GARIN2: variants seen among roughly 807,000 people sequenced by gnomAD.
GARIN2 encodes the protein golgi associated RAB2 interactor family member 2.
chr14:67,211,398 A>G, the GARIN2 span, among the ~76,000 whole-genome samples: 4 of 152,164 alleles, frequency 2.6e-5, no homozygotes, highest in African/African-American at 4.8e-5. Flanking sequence ...TAATCTTTCC[A>G]CTATACTACC....
chr14:67,210,186 A>G, the GARIN2 span, among the ~76,000 whole-genome samples: 1 of 152,258 alleles, frequency 6.6e-6, no homozygotes, highest in Non-Finnish European at 1.5e-5. Flanking sequence ...AAAACCTGTA[A>G]GTAATCCAAA....
the GARIN2 span, among the ~76,000 whole-genome samples, chr14:67,219,916 G>T: frequency 1.3e-5 from 2 of 152,232 alleles, no homozygotes; most frequent in Admixed American, 1.3e-4. Flanking sequence ...TTGCCTATTT[G>T]CATCAGGAAC....
chr14:67,225,962 T>TGTGCGCGCGC, the GARIN2 span, among the ~76,000 whole-genome samples: 260 of 113,474 alleles, frequency 2.3e-3, 2 homozygotes, highest in African/African-American at 0.013. Flanking sequence ...TGTGTGTGTG[T>TGTGCGCGCGC]GCGCGCGCGC....
At chr14:67,204,497 A>T in the GARIN2 span, 1 of 1,573,002 alleles carries the variant, frequency 6.4e-7, no homozygotes, top group Non-Finnish European at 8.6e-7. Flanking sequence ...TAAGCCTCCC[A>T]TCAGGTCTCC....
the GARIN2 span, among the ~76,000 whole-genome samples, chr14:67,192,789 T>A: frequency 6.8e-6 from 1 of 148,064 alleles, no homozygotes; most frequent in African/African-American, 2.5e-5. Context: ...TATATATGTA[T>A]GTGTGTGTAT....
chr14:67,201,742 G>C, the GARIN2 span: 1 of 337,578 alleles, frequency 3.0e-6, no homozygotes, highest in African/African-American at 2.2e-5. Flanking sequence ...GAGGGGCACA[G>C]TTTGGGTAAG....
chr14:67,215,038 GT>G, the GARIN2 span, among the ~76,000 whole-genome samples: 2 of 152,192 alleles, frequency 1.3e-5, no homozygotes, highest in African/African-American at 4.8e-5. Context: ...CTTTGCTGAA[GT>G]TGCTTGTCAG....
chr14:67,198,880 T>A, the GARIN2 span: 3 of 673,026 alleles, frequency 4.5e-6, no homozygotes, highest in Non-Finnish European at 8.2e-6. Flanking sequence ...AGTTCAATGA[T>A]AGGGGTCATA....
chr14:67,210,264 T>C, the GARIN2 span, among the ~76,000 whole-genome samples: 2 of 151,996 alleles, frequency 1.3e-5, no homozygotes, highest in South Asian at 4.1e-4. Flanking sequence ...CAGAACCCCA[T>C]TAGAAAAAGC....
chr14:67,216,480 G>A, the GARIN2 span, among the ~76,000 whole-genome samples: 4 of 151,914 alleles, frequency 2.6e-5, no homozygotes, highest in Admixed American at 1.3e-4. Context: ...GTTCCTCAAG[G>A]TGCATCATTA....
chr14:67,194,844 G>A, the GARIN2 span, among the ~76,000 whole-genome samples: 1 of 152,132 alleles, frequency 6.6e-6, no homozygotes, highest in Non-Finnish European at 1.5e-5. Context: ...TTTCAGTAGA[G>A]TCAGGGTTTC....
the GARIN2 span, among the ~76,000 whole-genome samples, chr14:67,221,527 T>C: frequency 6.6e-6 from 1 of 152,328 alleles, no homozygotes; most frequent in Non-Finnish European, 1.5e-5. Flanking sequence ...ATAATAAGAA[T>C]AGATTACATA....
chr14:67,225,871 G>C, the GARIN2 span, among the ~76,000 whole-genome samples: 2 of 151,534 alleles, frequency 1.3e-5, no homozygotes, highest in Non-Finnish European at 2.9e-5. Flanking sequence ...TGGAAGCAAT[G>C]CAATTTTAGG....
At chr14:67,226,507 CA>C in the GARIN2 span, among the ~76,000 whole-genome samples, 4 of 152,228 alleles carry the variant, frequency 2.6e-5, no homozygotes, top group Non-Finnish European at 5.9e-5. Flanking sequence ...ACTACAGGTG[CA>C]CACCATCACA....
the GARIN2 span, chr14:67,204,504 C>A: frequency 2.5e-6 from 4 of 1,588,900 alleles, no homozygotes; most frequent in East Asian, 2.3e-5. Flanking sequence ...CCCATCAGGT[C>A]TCCAGATGAT....
the GARIN2 span, among the ~76,000 whole-genome samples, chr14:67,205,610 G>A: frequency 3.9e-5 from 6 of 152,258 alleles, no homozygotes; most frequent in African/African-American, 1.4e-4. Flanking sequence ...GCCAGAGAGT[G>A]GAAAAACAGA....
chr14:67,192,729 G>A, the GARIN2 span, among the ~76,000 whole-genome samples: 1 of 150,154 alleles, frequency 6.7e-6, no homozygotes, highest in Non-Finnish European at 1.5e-5. Flanking sequence ...AAAATTTAAT[G>A]TTATGGGGAT....
the GARIN2 span, among the ~76,000 whole-genome samples, chr14:67,214,553 A>G: frequency 9.2e-5 from 14 of 152,074 alleles, no homozygotes; most frequent in South Asian, 2.1e-3. Flanking sequence ...GTACCATGCT[A>G]TTTTGGTTAC....
chr14:67,208,193 T>G, the GARIN2 span: 1 of 1,612,598 alleles, frequency 6.2e-7, no homozygotes, highest in Non-Finnish European at 8.5e-7. Context: ...CTGCTTTTTA[T>G]TTTTAAAGGA....
Sources: gnomAD v4.1 joint callset for allele counts (sites outside exome capture counted in the v4.1 genomes callset) on GRCh38, gnomAD v4.1.1 for gene constraint, MANE v1.5 for transcripts, NCBI Gene and HGNC (gene_info 2026-07-23, HGNC 2026-07-21) for gene names.